Variants in SLIT1 observed in about 807,000 individuals in gnomAD.
The protein encoded by SLIT1 is slit homolog 1 protein.
In SLIT1, 66 loss-of-function variants were observed where a neutral mutation model predicts 186.1. That is an observed-to-expected ratio of 0.35 (90% confidence interval 0.29 to 0.44). The LOEUF (loss-of-function observed/expected upper bound fraction) is 0.44. SLIT1 is among the 20% of genes least tolerant of loss of function. SLIT1 has a pLI of 1.00. For synonymous variants in SLIT1, 761 were observed against 833.8 expected, an observed-to-expected ratio of 0.91 and a Z score of 1.50; for missense variants, 1,638 against 2,037.4, an observed-to-expected ratio of 0.80 and a Z score of 3.77.
At chr10:97,084,281 A>G (rs1184964182) in intron 4 of SLIT1, among the ~76,000 whole-genome samples, 1 of 152,188 alleles carries the variant, frequency 6.6e-6, no homozygotes, top group Admixed American at 6.5e-5. Flanking sequence ...GCTCTCCCCC[A>G]GGGAAGGGTT....
intron 4 of SLIT1, among the ~76,000 whole-genome samples, chr10:97,107,914 G>A (rs935468995): frequency 6.6e-6 from 1 of 152,182 alleles, no homozygotes; most frequent in Admixed American, 6.5e-5. Flanking sequence ...GACAAACCGA[G>A]GGGTTGCTAA....
intron 4 of SLIT1, among the ~76,000 whole-genome samples, chr10:97,117,627 A>G (rs530506586): frequency 5.3e-5 from 8 of 152,188 alleles, no homozygotes; most frequent in Non-Finnish European, 8.8e-5. Context: ...GAGTATATAA[A>G]TAATCTCTTC....
At chr10:97,164,016 G>A (rs1436285900) in intron 2 of SLIT1, among the ~76,000 whole-genome samples, 5 of 152,220 alleles carry the variant, frequency 3.3e-5, no homozygotes, top group Non-Finnish European at 2.9e-5. Flanking sequence ...ACCCTGCCTG[G>A]CCCCATCTGC....
intron 1 of SLIT1, among the ~76,000 whole-genome samples, chr10:97,166,553 A>G (rs1435067257): frequency 4.9e-4 from 24 of 48,714 alleles, no homozygotes; most frequent in Admixed American, 5.8e-4. Flanking sequence ...GAAGGAAGGA[A>G]GGAAAGAGAG....
At chr10:97,058,215 T>C in intron 11 of SLIT1, 2 of 630,670 alleles carry the variant, frequency 3.2e-6, no homozygotes, top group Non-Finnish European at 5.8e-6. Context: ...CTCAAGCTGC[T>C]GGGTGGGAAA....
rs7097460 is a variant in SLIT1 at position 97,022,637 on chromosome 10, A to G, written c.2583-1224T>C. The stretch of plus-strand genomic sequence containing the variant: ...AGGCACACATAAAGACATCTGTGCA[A>G]TGGGCCTATTTGTAATGGAAAGACT... On this transcript the variant is annotated intron_variant, in intron 25 of 36. Coordinates refer to ENST00000266058, the MANE Select transcript of SLIT1 (RefSeq NM_003061.3). This position sits in a 1 kb window ranked among gnomAD's most constrained non-coding sequence, Gnocchi z 4.2. Among the ~76,000 whole-genome samples the G allele has an allele frequency of 0.02, 3,048 of 152,302 alleles. 88 individuals are homozygous for G. Among genetic ancestry groups the G allele is most frequent in the African/African-American group, 0.07 (2,914 of 41,544 alleles).
chr10:97,001,464 T>G, intron 36 of SLIT1, 114 bp from the exon 37 acceptor site: 1 of 777,950 alleles, frequency 1.3e-6, no homozygotes. Context: ...GGGTGGATCC[T>G]TTGGCTCTCA....
chr10:97,177,028 G>T (rs1001811668), intron 1 of SLIT1, among the ~76,000 whole-genome samples: 2 of 152,098 alleles, frequency 1.3e-5, no homozygotes, highest in Non-Finnish European at 2.9e-5. Flanking sequence ...CCAAATCACC[G>T]GAATCGCCTT....
chr10:97,088,319 C>T (rs1849189727), intron 4 of SLIT1, among the ~76,000 whole-genome samples: 1 of 152,190 alleles, frequency 6.6e-6, no homozygotes, highest in Non-Finnish European at 1.5e-5. Flanking sequence ...CTTTCTCCAC[C>T]CCTTTCTCAC....
At chr10:97,073,365 A>G (rs929783576) in intron 4 of SLIT1, among the ~76,000 whole-genome samples, 34 of 152,150 alleles carry the variant, frequency 2.2e-4, no homozygotes, top group African/African-American at 7.2e-4. Context: ...GATGGCCAGG[A>G]TGTGTCTGGG....
In SLIT1 at chr10:97,048,986, C is replaced by T. The variant is rs766709463; in HGVS notation, c.1434G>A (p.Gly478=). ...ACCGGAACTTCTTGCTCTTGATCTGCCCGATGCGCTTGTTGGCGAGGCGCC... is the reference window on the plus strand; with the variant it reads ...ACCGGAACTTCTTGCTCTTGATCTGTCCGATGCGCTTGTTGGCGAGGCGCC... The part of the protein sequence containing the change: ...SPRRLANKRI[G]QIKSKKFRCS... The change falls in exon 14 of 37, where the codon GGG becomes GGA. Residue 478 remains glycine (G), a synonymous_variant. Coordinates refer to ENST00000266058, the MANE Select transcript of SLIT1 (RefSeq NM_003061.3). 10 of 1,608,974 alleles carry T rather than the reference C, an allele frequency of 6.2e-6. No homozygotes were observed. Among genetic ancestry groups the T allele is most frequent in the Non-Finnish European group, 8.5e-6 (10 of 1,179,086 alleles).
chr10:97,057,183 C>T (rs1472491818), intron 12 of SLIT1, 27 bp downstream of exon 12: 1 of 1,599,020 alleles, frequency 6.3e-7, no homozygotes. Flanking sequence ...CTGGGTCCCA[C>T]CCAAGACACC....
At chr10:97,045,363 AAGC>A (rs1209019341) in intron 18 of SLIT1, among the ~76,000 whole-genome samples, 1 of 152,230 alleles carries the variant, frequency 6.6e-6, no homozygotes, top group Non-Finnish European at 1.5e-5. Flanking sequence ...TTTAAGGAAA[AAGC>A]AGGTTACTAA....
chr10:97,014,111 G>A lies in SLIT1; in HGVS notation c.3017C>T (p.Thr1006Ile), dbSNP rs1028299627. 1 of 1,614,094 alleles carries A rather than the reference G, an allele frequency of 6.2e-7. No homozygotes were observed. ...GFEGPTCGVN[T>I]DDCVDHACAN... is the part of the protein sequence containing the mutation. ...ACAGGCATGATCCACACAGTCATCT[G>A]TGTTCACCCCACAGGTTGGTCCTTC... The change falls in exon 29 of 37, where the codon ACA (threonine) becomes ATA (isoleucine). Residue 1006 changes from threonine (T) to isoleucine (I), a missense_variant. This residue lies in a region of SLIT1 where 1,245 missense variants were observed against 1,535.3 expected (regional missense o/e 0.81). Coordinates refer to ENST00000266058, the MANE Select transcript of SLIT1 (RefSeq NM_003061.3).
chr10:97,063,528 G>C lies in SLIT1; in HGVS notation c.720C>G (p.Thr240=). The C allele has an allele frequency of 6.2e-7, 1 of 1,613,246 alleles. No individual in the cohort carries two copies. Among genetic ancestry groups the C allele is most frequent in the South Asian group, 1.1e-5 (1 of 90,996 alleles). ...LRQRPTIGLF[T]QCSGPASLRG... Reference sequence around the variant, plus strand: ...GCAGGCTGGCTGGGCCCGAGCACTGGGTGAAGAGCCCGATGGTTGGCCGCT... The same window carrying C: ...GCAGGCTGGCTGGGCCCGAGCACTGCGTGAAGAGCCCGATGGTTGGCCGCT... The change falls in exon 8 of 37, where the codon ACC becomes ACG. Residue 240 remains threonine, a synonymous_variant. Transcript: ENST00000266058.
chr10:97,178,447 C>T (rs1850285363), intron 1 of SLIT1, among the ~76,000 whole-genome samples: 1 of 152,038 alleles, frequency 6.6e-6, no homozygotes, highest in South Asian at 2.1e-4. Flanking sequence ...ATGTCCAGGT[C>T]AAGGAAAACA....
intron 4 of SLIT1, among the ~76,000 whole-genome samples, chr10:97,075,847 A>C (rs896057989): frequency 6.6e-6 from 1 of 152,174 alleles, no homozygotes; most frequent in African/African-American, 2.4e-5. Flanking sequence ...AAATGTTTTA[A>C]TGTCCCCAGC....
chr10:97,046,348 C>T (rs1022259540), intron 18 of SLIT1, among the ~76,000 whole-genome samples: 4 of 152,220 alleles, frequency 2.6e-5, no homozygotes, highest in Non-Finnish European at 5.9e-5. Flanking sequence ...CACTCCTGAA[C>T]TCATGCTGTG....
intron 13 of SLIT1, among the ~76,000 whole-genome samples, chr10:97,051,124 T>C (rs902470): frequency 0.69 from 104,383 of 152,132 alleles, 37,707 homozygotes; most frequent in East Asian, 0.88. Context: ...AGTGTCTTTG[T>C]AGATGTATGC....
Sources: gnomAD v4.1 joint callset for allele counts (sites outside exome capture counted in the v4.1 genomes callset) on GRCh38, gnomAD v4.1.1 for gene constraint, gnomAD v4.1.1 regional missense constraint, Gnocchi (gnomAD v3.1) non-coding constraint, MANE v1.5 for transcripts, NCBI Gene and HGNC (gene_info 2026-07-23, HGNC 2026-07-21) for gene names.